Variants in NPAS2 observed in about 807,000 individuals in gnomAD.
NPAS2 encodes neuronal PAS domain protein 2, also known as neuronal PAS domain-containing protein 2.
NPAS2 carries 23 observed loss-of-function variants against 107.5 expected under a neutral mutation model. The observed-to-expected ratio is 0.21, with a 90% confidence interval of 0.15 to 0.30. NPAS2 has a LOEUF of 0.30. Ranked by LOEUF, NPAS2 falls within the 10% of genes least tolerant of loss-of-function variation. The pLI, the probability that NPAS2 is intolerant of heterozygous loss-of-function variation, is 1.00. For synonymous variants in NPAS2, 403 were observed against 417.5 expected (o/e 0.97, Z 0.42); for missense variants, 756 against 1,043.3 (o/e 0.72, Z 3.79).
chr2:100,875,471 CA>C (rs1244958199), intron 1 of NPAS2, among the ~76,000 whole-genome samples: 1 of 139,560 alleles, frequency 7.2e-6, no homozygotes, highest in Non-Finnish European at 1.6e-5. Flanking sequence ...TACACACACA[CA>C]CACACACACA....
chr2:100,970,498 C>A (rs192788940), intron 11 of NPAS2: 106 of 153,310 alleles, frequency 6.9e-4, no homozygotes, highest in African/African-American at 2.4e-3. Flanking sequence ...AAAAGTGGGC[C>A]TGTGGGCTCA....
chr2:100,990,095 TGGG>T, intron 17 of NPAS2, 158 bp from the exon 18 acceptor site: 2 of 704,788 alleles, frequency 2.8e-6, no homozygotes, highest in South Asian at 3.5e-5. Context: ...TACAATCCAA[TGGG>T]GAAGACAGTC....
At position 100,830,117 on chromosome 2, in the gene NPAS2, G is replaced by A. The variant is rs1573410100; in HGVS notation, c.-23+9703G>A. Among the ~76,000 whole-genome samples the A allele has an allele frequency of 2.0e-5, 3 of 152,286 alleles. No homozygotes were observed. The East Asian group carries it at 5.8e-4, about 29-fold the overall frequency. ...CTCTTTGGTCTTTGTTGCATGCATT[G>A]AGGCATCCCAAATATCCTAACGCGA... is the stretch of plus-strand genomic sequence containing the variant. On this transcript the variant is annotated intron_variant, in intron 1 of 20. Coordinates refer to ENST00000335681, the MANE Select transcript of NPAS2 (RefSeq NM_002518.4).
chr2:100,902,446 T>C (rs1280702474), intron 1 of NPAS2, among the ~76,000 whole-genome samples: 5 of 152,206 alleles, frequency 3.3e-5, no homozygotes, highest in East Asian at 3.9e-4. Flanking sequence ...CTGAGGACAT[T>C]ACGCTGTGTG....
At chr2:100,953,391 C>CA (rs1242752947) in intron 7 of NPAS2, among the ~76,000 whole-genome samples, 6 of 140,786 alleles carry the variant, frequency 4.3e-5, no homozygotes, top group South Asian at 4.5e-4. Context: ...AAAAAAAAAA[C>CA]AAAAAAAACA....
intron 17 of NPAS2, chr2:100,988,688 C>T (rs1213261256): frequency 6.1e-6 from 2 of 328,156 alleles, no homozygotes; most frequent in Non-Finnish European, 1.2e-5. Context: ...TGAGCAGCCA[C>T]TGCTGTTCAC....
At chr2:100,972,879 T>C (rs1374887028) in intron 12 of NPAS2, 2 of 152,132 alleles carry the variant, frequency 1.3e-5, no homozygotes, top group Non-Finnish European at 2.9e-5. Context: ...AATGCATATA[T>C]GTATAAATAC....
At chr2:100,867,534 T>C (rs1340534747) in intron 1 of NPAS2, among the ~76,000 whole-genome samples, 1 of 152,232 alleles carries the variant, frequency 6.6e-6, no homozygotes, top group African/African-American at 2.4e-5. Flanking sequence ...AGTATTTACC[T>C]GGTATTTGTT....
chr2:100,945,440 T>G (rs1205212315), intron 5 of NPAS2, among the ~76,000 whole-genome samples: 1 of 152,230 alleles, frequency 6.6e-6, no homozygotes, highest in Non-Finnish European at 1.5e-5. Flanking sequence ...CTCCTTCCCC[T>G]GTCTCTCTTG....
intron 20 of NPAS2, chr2:100,993,730 A>G: frequency 2.3e-6 from 1 of 440,742 alleles, no homozygotes; most frequent in Non-Finnish European, 3.9e-6. Context: ...ACATGAAATT[A>G]CGAGTCGGCT....
intron 1 of NPAS2, among the ~76,000 whole-genome samples, chr2:100,824,684 G>A (rs1298859368): frequency 6.6e-6 from 1 of 152,212 alleles, no homozygotes; most frequent in South Asian, 2.1e-4. Flanking sequence ...AGGCAATGGT[G>A]TCCTTCACCC....
In NPAS2 at chr2:100,976,394, G is replaced by A. The variant is rs968461231; in HGVS notation, c.1392+827G>A. Among the ~76,000 whole-genome samples the A allele has an allele frequency of 2.0e-5, 3 of 152,078 alleles. No homozygotes were observed. Among genetic ancestry groups the A allele is most frequent in the Admixed American group, 1.3e-4 (2 of 15,258 alleles). On this transcript the variant is annotated intron_variant, in intron 14 of 20. Transcript: ENST00000335681. The surrounding 1 kb of genome is among the most constrained non-coding windows in gnomAD (Gnocchi z 4.1). ...AGGAGACACCTGGAGACGCAGGCAGGAACCATGCAGACCTCTGTGACCTAG... is the reference window on the plus strand; with the variant it reads ...AGGAGACACCTGGAGACGCAGGCAGAAACCATGCAGACCTCTGTGACCTAG...
At chr2:100,918,080 T>TA (rs1683001731) in intron 2 of NPAS2, among the ~76,000 whole-genome samples, 1 of 123,396 alleles carries the variant, frequency 8.1e-6, no homozygotes, top group African/African-American at 3.0e-5. Flanking sequence ...ATATATATTT[T>TA]AAATTACAAT....
chr2:100,865,147 T>C (rs1397662317), intron 1 of NPAS2, among the ~76,000 whole-genome samples: 1 of 152,204 alleles, frequency 6.6e-6, no homozygotes. Context: ...CCCCTTAAAA[T>C]GTCATGAGCT....
chr2:100,862,244 A>G (rs1678989574), intron 1 of NPAS2, among the ~76,000 whole-genome samples: 3 of 152,296 alleles, frequency 2.0e-5, no homozygotes, highest in African/African-American at 7.2e-5. Context: ...TTGTTGTCTG[A>G]TCAGACCTCG....
At chr2:100,964,383 C>T (rs933034322) in intron 8 of NPAS2, among the ~76,000 whole-genome samples, 3 of 152,206 alleles carry the variant, frequency 2.0e-5, no homozygotes, top group African/African-American at 2.4e-5. Flanking sequence ...AAGGCAGCAT[C>T]GCTTGCTGTT....
chr2:100,934,803 C>A, intron 4 of NPAS2: 1 of 985,448 alleles, frequency 1.0e-6, no homozygotes, highest in African/African-American at 1.7e-5. Context: ...TTGTCCAGTG[C>A]AACCTTCCCA....
chr2:100,967,748 G>T (rs112752235), intron 10 of NPAS2, among the ~76,000 whole-genome samples: 29 of 152,284 alleles, frequency 1.9e-4, no homozygotes, highest in African/African-American at 6.0e-4. Context: ...ACTATGGGGG[G>T]GCTGCAAGCA....
At chr2:100,821,757 C>T (rs1573391483) in intron 1 of NPAS2, among the ~76,000 whole-genome samples, 2 of 152,182 alleles carry the variant, frequency 1.3e-5, no homozygotes, top group African/African-American at 4.8e-5. Context: ...ACACTAGCTC[C>T]ATCTTCCTGC....
Sources: gnomAD v4.1 joint callset for allele counts (sites outside exome capture counted in the v4.1 genomes callset) on GRCh38, gnomAD v4.1.1 for gene constraint, Gnocchi (gnomAD v3.1) non-coding constraint, MANE v1.5 for transcripts, NCBI Gene and HGNC (gene_info 2026-07-23, HGNC 2026-07-21) for gene names.